Variants in ZNF676 observed in about 807,000 individuals in gnomAD.
ZNF676 encodes zinc finger protein 676.
Under a neutral mutation model 6.0 loss-of-function variants are expected in ZNF676, and 4 were observed. The ratio of observed to expected loss-of-function variants is 0.67; its 90% confidence interval spans 0.33 to 1.53. ZNF676 has a LOEUF of 1.53. Among genes scored for constraint, ZNF676 ranks in the 40% most tolerant of loss-of-function variants. The pLI is 0.06. For missense variants in ZNF676, 644 were observed against 679.7 expected, an observed-to-expected ratio of 0.95 and a Z score of 0.58; for synonymous variants, 198 against 223.1, an observed-to-expected ratio of 0.89 and a Z score of 1.00.
chr19:22,248,686 C>T, the ZNF676 span, among the ~76,000 whole-genome samples: 1 of 152,068 alleles, frequency 6.6e-6, no homozygotes, highest in Non-Finnish European at 1.5e-5. Flanking sequence ...TCTTTCTTAT[C>T]TTTTCTGTTA....
the ZNF676 span, among the ~76,000 whole-genome samples, chr19:22,254,811 T>G: frequency 6.6e-6 from 1 of 152,144 alleles, no homozygotes; most frequent in East Asian, 1.9e-4. Flanking sequence ...CAGCAAAATG[T>G]CACAATGCCC....
chr19:22,247,335 A>T, the ZNF676 span, among the ~76,000 whole-genome samples: 1 of 151,970 alleles, frequency 6.6e-6, no homozygotes, highest in African/African-American at 2.4e-5. Context: ...AGGCTGAGGC[A>T]GGTGGATTAC....
In ZNF676 at chr19:22,180,690, C is replaced by T. The variant is rs762615204; in HGVS notation, c.1027G>A (p.Gly343Arg). The change falls in exon 3 of 3, where the codon GGG becomes AGG. Residue 343 changes from glycine (G) to arginine (R), a missense_variant. Transcript: ENST00000397121. ...GEKPYKCEEC[G>R]KAFNRSSILT... ...ATTGAGGATCGATTAAAAGCTTTCC[C>T]GCATTCTTCACATTTGTAGGGTTTC... The T allele has an allele frequency of 6.4e-5, 103 of 1,610,926 alleles. No individual in the cohort carries two copies. In the Middle Eastern group the frequency reaches 6.6e-4, roughly 10 times the overall value.
the ZNF676 span, among the ~76,000 whole-genome samples, chr19:22,227,569 G>A: frequency 7.9e-5 from 12 of 152,024 alleles, no homozygotes; most frequent in East Asian, 1.9e-4. Context: ...AATGATTCCA[G>A]GAGCTGGTTT....
the ZNF676 span, among the ~76,000 whole-genome samples, chr19:22,254,535 G>C: frequency 6.6e-6 from 1 of 152,124 alleles, no homozygotes. Context: ...TCACTTAAGT[G>C]CTGGGTTTAG....
the ZNF676 span, among the ~76,000 whole-genome samples, chr19:22,230,070 T>C: frequency 6.6e-6 from 1 of 152,156 alleles, no homozygotes; most frequent in Non-Finnish European, 1.5e-5. Flanking sequence ...GCAGCACTAT[T>C]CACAATAGCA....
Position 22,179,841 on chromosome 19 carries a change from A to T in ZNF676, c.*109T>A. The T allele has an allele frequency of 7.9e-7, 1 of 1,273,102 alleles. No individual in the cohort carries two copies. The highest frequency in any genetic ancestry group is 2.4e-5 in the East Asian group (1 of 42,240). 78.9% of individuals were successfully genotyped at this position (1,273,102 alleles called of 1,614,324 possible). Reference sequence around the variant, plus strand: ...GTGTAATAAAGATTGAGGACTGTTTAAAAGCTTTGCCACATTCTTCACCTT... The same window carrying T: ...GTGTAATAAAGATTGAGGACTGTTTTAAAGCTTTGCCACATTCTTCACCTT... On this transcript the variant is annotated 3_prime_UTR_variant, in exon 3 of 3. Transcript: ENST00000397121.
chr19:22,223,018 G>A, the ZNF676 span, among the ~76,000 whole-genome samples: 5 of 152,300 alleles, frequency 3.3e-5, no homozygotes, highest in South Asian at 1.0e-3. Flanking sequence ...GTGGATTGGA[G>A]TTAGAACTAA....
the ZNF676 span, among the ~76,000 whole-genome samples, chr19:22,227,376 C>T: frequency 0.42 from 63,392 of 151,960 alleles, 14,260 homozygotes; most frequent in African/African-American, 0.59. Context: ...TAGAGGGAAA[C>T]TTATAGCACT....
chr19:22,202,462 G>GA (rs1320411131), intron 1 of ZNF676, among the ~76,000 whole-genome samples: 4 of 152,022 alleles, frequency 2.6e-5, no homozygotes, highest in Non-Finnish European at 5.9e-5. Flanking sequence ...AGCCTGAGTG[G>GA]AAAAGGCCCA....
chr19:22,187,022 C>T (rs7343144), intron 2 of ZNF676, among the ~76,000 whole-genome samples: 49,432 of 151,728 alleles, frequency 0.33, 8,399 homozygotes, highest in South Asian at 0.42. Flanking sequence ...TCAAGCAGAC[C>T]TAATAGACAT....
the ZNF676 span, among the ~76,000 whole-genome samples, chr19:22,229,837 G>C: frequency 6.6e-6 from 1 of 152,126 alleles, no homozygotes; most frequent in East Asian, 1.9e-4. Context: ...TCATTAAAAA[G>C]TCAGAAAACA....
At chr19:22,237,785 C>T in the ZNF676 span, among the ~76,000 whole-genome samples, 1 of 152,316 alleles carries the variant, frequency 6.6e-6, no homozygotes, top group Non-Finnish European at 1.5e-5. Context: ...CTCAGAGCCC[C>T]TAGCTTCATC....
upstream of ZNF676, among the ~76,000 whole-genome samples, chr19:22,200,109 G>A (rs887140316): frequency 6.6e-6 from 1 of 151,764 alleles, no homozygotes; most frequent in African/African-American, 2.4e-5. Context: ...GGCACTGGGG[G>A]GTATTGTAAG....
At chr19:22,218,624 A>T (rs1311178713), upstream of ZNF676, among the ~76,000 whole-genome samples, 1 of 151,784 alleles carries the variant, frequency 6.6e-6, no homozygotes, top group African/African-American at 2.4e-5. Flanking sequence ...GATTACAGGT[A>T]TAAGCCACTG....
In ZNF676 at chr19:22,181,422, T is replaced by C. The variant is rs2023748671; in HGVS notation, c.295A>G (p.Asn99Asp). Residue 99 changes from asparagine to aspartate, a missense_variant, in exon 3 of 3, where the codon AAT becomes GAT. Physicochemically the swap from Asn to Asp is conservative, Grantham distance 23. Coordinates refer to ENST00000397121, the MANE Select transcript of ZNF676 (RefSeq NM_001001411.3). The part of the protein sequence containing the change: ...DECNVHKEGY[N>D]KLNQSLTTTQ... ...GTTGTTAAACTCTGGTTAAGTTTAT[T>C]ATAACCTTCTTTGTGCACGTTACAC... The C allele has an allele frequency of 1.2e-6, 2 of 1,613,682 alleles. No individual in the cohort carries two copies. Among genetic ancestry groups the C allele is most frequent in the Non-Finnish European group, 8.5e-7 (1 of 1,179,740 alleles).
At chr19:22,254,994 C>A in the ZNF676 span, among the ~76,000 whole-genome samples, 2 of 152,202 alleles carry the variant, frequency 1.3e-5, no homozygotes, top group East Asian at 3.8e-4. Flanking sequence ...ATGAGATTAA[C>A]GATCCCATAC....
At chr19:22,191,849 T>C (rs1400722241) in intron 2 of ZNF676, among the ~76,000 whole-genome samples, 1 of 152,116 alleles carries the variant, frequency 6.6e-6, no homozygotes. Context: ...AAAAAGAAGA[T>C]TTTTACCCTC....
chr19:22,179,207 C>G lies in ZNF676; in HGVS notation c.*743G>C, dbSNP rs2023691750. The G allele has an allele frequency of 6.3e-6, 1 of 159,612 alleles. No homozygotes were observed. The highest frequency in any genetic ancestry group is 1.8e-4 in the South Asian group (1 of 5,488). The allele number at this position is 159,612 out of a possible 1,614,324, so 9.9% of individuals were successfully genotyped here. A position where few individuals can be genotyped will look rare whatever the true frequency, so the allele number is the denominator to read the frequency against. On this transcript the variant is annotated 3_prime_UTR_variant, in exon 3 of 3. Transcript: ENST00000397121. ...CATTCTTCACATTTCTAGGATTTCT[C>G]ATTCATATGATTTCTTTTATATTCA...
Sources: gnomAD v4.1 joint callset for allele counts (sites outside exome capture counted in the v4.1 genomes callset) on GRCh38, gnomAD v4.1.1 for gene constraint, MANE v1.5 for transcripts, NCBI Gene and HGNC (gene_info 2026-07-23, HGNC 2026-07-21) for gene names.